The following HELZ variants were observed in gnomAD, a reference collection of about 807,000 sequenced individuals.
HELZ encodes the protein helicase with zinc finger.
A neutral mutation model predicts 218.2 loss-of-function variants in HELZ; 23 were observed. The ratio of observed to expected loss-of-function variants is 0.11; its 90% CI spans 0.08 to 0.15. The LOEUF is 0.15. HELZ is among the 10% of genes least tolerant of loss of function. The pLI is 1.00. For missense variants in HELZ, 1,813 were observed against 2,353.7 expected, an observed-to-expected ratio of 0.77 and a Z score of 4.75; for synonymous variants, 814 against 829.4, an observed-to-expected ratio of 0.98 and a Z score of 0.32.
intron 3 of HELZ, among the ~76,000 whole-genome samples, chr17:67,221,095 A>G (rs1189482910): frequency 6.6e-6 from 1 of 152,200 alleles, no homozygotes; most frequent in Non-Finnish European, 1.5e-5. Context: ...CCCATTAGAC[A>G]AAGAGTGGCA....
At chr17:67,130,259 A>G (rs2037936005) in intron 23 of HELZ, among the ~76,000 whole-genome samples, 1 of 152,206 alleles carries the variant, frequency 6.6e-6, no homozygotes, top group African/African-American at 2.4e-5. Flanking sequence ...GGGGTACACT[A>G]AAAGTCCAGA....
intron 21 of HELZ, among the ~76,000 whole-genome samples, chr17:67,142,365 G>A (rs948271889): frequency 7.9e-5 from 12 of 152,036 alleles, no homozygotes; most frequent in Middle Eastern, 3.4e-3. Flanking sequence ...AAATTAGCTG[G>A]GCATTGTGGC....
Position 67,148,577 on chromosome 17 carries a change from A to G in HELZ, c.2613T>C (p.Ala871=), listed in dbSNP as rs1367935401. Residue 871 remains alanine, a synonymous_variant, in exon 20 of 33, where the codon GCT becomes GCC. Transcript: ENST00000358691. The stretch of plus-strand genomic sequence containing the variant: ...GGGCAGTTCACACCTACTTGATGAT[A>G]GCTTCATGGGAGCGGTAGTTCTCAC... ...LLCENYRSHE[A]IINYTSELFY... 1 of 1,612,462 alleles carries G rather than the reference A, an allele frequency of 6.2e-7. No individual in the cohort carries two copies. The highest frequency in any genetic ancestry group is 2.2e-5 in the East Asian group (1 of 44,858).
intron 32 of HELZ, among the ~76,000 whole-genome samples, chr17:67,080,789 T>G (rs1326118043): frequency 6.6e-6 from 1 of 152,120 alleles, no homozygotes; most frequent in Non-Finnish European, 1.5e-5. Context: ...CAGGAGGGAA[T>G]CTACATAGAG....
chr17:67,163,035 A>G (rs1053536607), intron 15 of HELZ, among the ~76,000 whole-genome samples: 5 of 152,306 alleles, frequency 3.3e-5, no homozygotes, highest in South Asian at 4.1e-4. Context: ...CTGTGATTCT[A>G]TGATACCTGC....
intron 10 of HELZ, among the ~76,000 whole-genome samples, chr17:67,189,935 A>G (rs892562349): frequency 6.6e-6 from 1 of 152,194 alleles, no homozygotes; most frequent in African/African-American, 2.4e-5. Context: ...GCCTGAATGA[A>G]GGTAATTAAT....
chr17:67,199,249 G>A (rs977830920), intron 7 of HELZ, among the ~76,000 whole-genome samples: 1 of 125,294 alleles, frequency 8.0e-6, no homozygotes, highest in African/African-American at 3.0e-5. Flanking sequence ...GTCTCACTCT[G>A]TCGCCCAGGC....
intron 27 of HELZ, among the ~76,000 whole-genome samples, chr17:67,118,489 A>G (rs2037494534): frequency 6.6e-6 from 1 of 152,114 alleles, no homozygotes; most frequent in African/African-American, 2.4e-5. Flanking sequence ...AACATGATCC[A>G]TAGAAGAAAA....
intron 5 of HELZ, among the ~76,000 whole-genome samples, chr17:67,210,967 ACCATTATTTCATC>A (rs1400013964): frequency 6.6e-6 from 1 of 152,216 alleles, no homozygotes; most frequent in East Asian, 1.9e-4. Context: ...CAAAAATAGA[ACCATTATTTCATC>A]AAAGTTTTTG....
At chr17:67,166,736 TA>T in intron 14 of HELZ, 128 bp from the exon 15 acceptor site, 1 of 697,212 alleles carries the variant, frequency 1.4e-6, no homozygotes, top group Non-Finnish European at 2.4e-6. Context: ...AGTATAATCA[TA>T]GTCTAATCAT....
chr17:67,196,722 C>T (rs2040042023), intron 7 of HELZ, among the ~76,000 whole-genome samples: 1 of 152,002 alleles, frequency 6.6e-6, no homozygotes, highest in Non-Finnish European at 1.5e-5. Context: ...ATGCAATGGG[C>T]CCAAAGCAAA....
chr17:67,149,834 T>C, intron 19 of HELZ, 33 bp downstream of exon 19: 1 of 1,204,608 alleles, frequency 8.3e-7, no homozygotes, highest in Non-Finnish European at 1.2e-6. Flanking sequence ...AATTAAAAGT[T>C]ACTTTCAACA....
chr17:67,164,401 G>C (rs1471451568), intron 15 of HELZ, among the ~76,000 whole-genome samples: 1 of 152,072 alleles, frequency 6.6e-6, no homozygotes, highest in African/African-American at 2.4e-5. Context: ...ATTAACATTG[G>C]GCAAAGATTA....
chr17:67,084,876 T>C (rs2036316247), intron 32 of HELZ, among the ~76,000 whole-genome samples: 1 of 152,196 alleles, frequency 6.6e-6, no homozygotes, highest in African/African-American at 2.4e-5. Context: ...TCTCAGAACT[T>C]TGGGAGGCCA....
intron 8 of HELZ, among the ~76,000 whole-genome samples, chr17:67,194,308 A>G (rs1228847814): frequency 6.6e-6 from 1 of 152,326 alleles, no homozygotes; most frequent in South Asian, 2.1e-4. Context: ...ACAGGTTTCC[A>G]GTGCAATCTC....
At chr17:67,203,173 A>G (rs1473146269) in intron 6 of HELZ, 146 bp downstream of exon 6, 4 of 724,750 alleles carry the variant, frequency 5.5e-6, no homozygotes, top group Admixed American at 2.8e-5. Context: ...AATGGGTACT[A>G]TATCTCAGGA....
intron 23 of HELZ, among the ~76,000 whole-genome samples, chr17:67,129,727 A>C (rs2037918061): frequency 6.6e-6 from 1 of 152,204 alleles, no homozygotes; most frequent in African/African-American, 2.4e-5. Flanking sequence ...AGAACAGTAC[A>C]TTCAAAACTT....
At chr17:67,123,646 T>C (rs575964417) in intron 25 of HELZ, among the ~76,000 whole-genome samples, 3 of 152,204 alleles carry the variant, frequency 2.0e-5, no homozygotes, top group Non-Finnish European at 4.4e-5. Flanking sequence ...TTGTAGGACA[T>C]AAATATTTTC....
intron 17 of HELZ, among the ~76,000 whole-genome samples, chr17:67,155,616 C>G (rs895776000): frequency 6.6e-6 from 1 of 152,168 alleles, no homozygotes; most frequent in East Asian, 1.9e-4. Context: ...GCGGGCAGAT[C>G]ACCTGAGGCC....
Sources: allele counts gnomAD v4.1 joint callset (sites outside exome capture counted in the v4.1 genomes callset), GRCh38; gene constraint gnomAD v4.1.1; transcripts MANE v1.5; gene names NCBI Gene and HGNC (gene_info 2026-07-23, HGNC 2026-07-21).